Variants in COL4A1 observed in about 807,000 individuals in gnomAD.
COL4A1 encodes collagen alpha-1(IV) chain.
Under a neutral mutation model 216.6 loss-of-function variants are expected in COL4A1, and 40 were observed. The ratio of observed to expected loss-of-function variants is 0.18; its 90% confidence interval spans 0.14 to 0.24. The LOEUF (loss-of-function observed/expected upper bound fraction) is 0.24, where lower values mean the gene tolerates loss of function less well. COL4A1 is among the 10% of genes least tolerant of loss of function. The pLI, the probability that COL4A1 is intolerant of heterozygous loss-of-function variation, is 1.00. For synonymous variants in COL4A1, 839 were observed against 810.7 expected (o/e 1.03, Z -0.59); for missense variants, 1,628 against 2,196.8 (o/e 0.74, Z 5.18).
chr13:110,291,047 G>A (rs1429578293), intron 1 of COL4A1, among the ~76,000 whole-genome samples: 4 of 152,222 alleles, frequency 2.6e-5, no homozygotes, highest in African/African-American at 4.8e-5. Context: ...CCTGAATCAC[G>A]TGCACAGACG....
chr13:110,261,858 G>A (rs1882841559), intron 1 of COL4A1, among the ~76,000 whole-genome samples: 1 of 152,218 alleles, frequency 6.6e-6, no homozygotes, highest in Non-Finnish European at 1.5e-5. Context: ...TGCAAGGCCA[G>A]AGCAGAGCCG....
chr13:110,183,457 A>G (rs1878269199), intron 26 of COL4A1, among the ~76,000 whole-genome samples, 181 bp from the exon 27 acceptor site: 2 of 152,164 alleles, frequency 1.3e-5, no homozygotes, highest in African/African-American at 4.8e-5. Context: ...TCTTTCACAG[A>G]GAGCTACGCT....
intron 41 of COL4A1, among the ~76,000 whole-genome samples, chr13:110,172,241 T>C (rs1411010852): frequency 2.0e-5 from 3 of 152,216 alleles, no homozygotes; most frequent in African/African-American, 7.2e-5. Flanking sequence ...TCCCATGAAA[T>C]GCTCAGCTCT....
At chr13:110,158,066 C>T (rs1876872356) in intron 49 of COL4A1, among the ~76,000 whole-genome samples, 1 of 152,210 alleles carries the variant, frequency 6.6e-6, no homozygotes, top group South Asian at 2.1e-4. Flanking sequence ...TGTTACTTTT[C>T]CTTCTAGTTA....
chr13:110,180,367 T>C (rs1594554252), intron 29 of COL4A1, among the ~76,000 whole-genome samples: 1 of 152,338 alleles, frequency 6.6e-6, no homozygotes, highest in Non-Finnish European at 1.5e-5. Context: ...CAAAGGTTTC[T>C]CTTCTGCCTC....
At chr13:110,157,327 A>G (rs1876832262) in intron 49 of COL4A1, among the ~76,000 whole-genome samples, 2 of 152,202 alleles carry the variant, frequency 1.3e-5, no homozygotes, top group African/African-American at 2.4e-5. Flanking sequence ...GTGCCCTACT[A>G]TCGGATGAAA....
intron 20 of COL4A1, 56 bp from the exon 21 acceptor site, chr13:110,198,687 C>T: frequency 6.2e-7 from 1 of 1,604,170 alleles, no homozygotes; most frequent in Non-Finnish European, 8.5e-7. Flanking sequence ...GCAACTACAG[C>T]ATAAACTCAT....
chr13:110,172,209 A>C (rs1347696737), intron 41 of COL4A1, among the ~76,000 whole-genome samples: 2 of 151,998 alleles, frequency 1.3e-5, no homozygotes, highest in East Asian at 3.9e-4. Flanking sequence ...CATGCCTTGT[A>C]TTTTCTGTGT....
At chr13:110,284,307 G>A (rs1156832739) in intron 1 of COL4A1, among the ~76,000 whole-genome samples, 2 of 152,172 alleles carry the variant, frequency 1.3e-5, no homozygotes, top group African/African-American at 4.8e-5. Context: ...GAACCCACAA[G>A]CCACAAGCAT....
At chr13:110,205,088 T>A (rs1246584133) in intron 17 of COL4A1, among the ~76,000 whole-genome samples, 3 of 152,210 alleles carry the variant, frequency 2.0e-5, no homozygotes, top group Non-Finnish European at 4.4e-5. Flanking sequence ...CTTTCTGTAT[T>A]TTCTATTGCT....
chr13:110,174,642 G>A lies in COL4A1; in HGVS notation c.3306C>T (p.Pro1102=), dbSNP rs752732736. The change falls in exon 38 of 52, where the codon CCC becomes CCT. Residue 1102 remains proline (P), a synonymous_variant. Coordinates refer to ENST00000375820, the MANE Select transcript of COL4A1 (RefSeq NM_001845.6). The stretch of plus-strand genomic sequence containing the variant: ...ACCTACCTGGATAGCCAACACTCCC[G>A]GGAGACCCTTTAAGGCCTGGGGACC... The part of the protein sequence containing the change: ...MPGSPGLKGS[P]GSVGYPGSPG... 8.1e-5 allele frequency: 130 copies of A among 1,613,942 alleles called. No homozygotes were observed. The highest frequency in any genetic ancestry group is 2.3e-4 in the African/African-American group (17 of 74,870).
intron 1 of COL4A1, among the ~76,000 whole-genome samples, chr13:110,288,349 G>A (rs1883932705): frequency 6.6e-6 from 1 of 151,890 alleles, no homozygotes. Context: ...TTGAAACTCA[G>A]CTTTGATCTT....
chr13:110,210,272 G>A, intron 8 of COL4A1, 60 bp from the exon 9 acceptor site: 1 of 1,528,374 alleles, frequency 6.5e-7, no homozygotes, highest in Non-Finnish European at 9.0e-7. Flanking sequence ...TAAAGAAGCT[G>A]AAAACTCTTT....
At chr13:110,215,524 G>A (rs1880025631) in intron 2 of COL4A1, among the ~76,000 whole-genome samples, 2 of 146,488 alleles carry the variant, frequency 1.4e-5, no homozygotes, top group Non-Finnish European at 3.0e-5. Context: ...TCATGCCACT[G>A]CACTCTAGCC....
chr13:110,219,070 A>G (rs1372154747), intron 2 of COL4A1, among the ~76,000 whole-genome samples: 2 of 152,156 alleles, frequency 1.3e-5, no homozygotes, highest in Non-Finnish European at 2.9e-5. Context: ...AGGGGTGGGA[A>G]AGCTGCGGTG....
chr13:110,207,881 A>G lies in COL4A1; in HGVS notation c.694-392T>C, dbSNP rs1408929535. On this transcript the variant is annotated intron_variant, in intron 12 of 51. Coordinates refer to ENST00000375820, the MANE Select transcript of COL4A1 (RefSeq NM_001845.6). The surrounding 1 kb of genome is among the most constrained non-coding windows in gnomAD (Gnocchi z 4.4). ...AAGGCATTTTAGGTAATCCCAGAATAAGACAACCATCAAGAGTCTCCCTCC... is the reference window on the plus strand; with the variant it reads ...AAGGCATTTTAGGTAATCCCAGAATGAGACAACCATCAAGAGTCTCCCTCC... Among the ~76,000 whole-genome samples, 2 of 146,296 alleles carry G rather than the reference A, an allele frequency of 1.4e-5. No individual in the cohort carries two copies. The highest frequency in any genetic ancestry group is 5.0e-5 in the African/African-American group (2 of 39,618).
intron 2 of COL4A1, among the ~76,000 whole-genome samples, chr13:110,219,048 C>T (rs529264442): frequency 1.3e-4 from 20 of 152,124 alleles, no homozygotes; most frequent in African/African-American, 3.1e-4. Flanking sequence ...TCCTGAATGC[C>T]GCCGCTGGGA....
At chr13:110,253,228 T>G (rs1490282362) in intron 1 of COL4A1, among the ~76,000 whole-genome samples, 2 of 131,326 alleles carry the variant, frequency 1.5e-5, no homozygotes, top group Non-Finnish European at 3.2e-5. Context: ...GTATTATATA[T>G]ACATATAATT....
At chr13:110,239,174 T>C (rs764425458) in intron 2 of COL4A1, among the ~76,000 whole-genome samples, 1 of 152,170 alleles carries the variant, frequency 6.6e-6, no homozygotes, top group Non-Finnish European at 1.5e-5. Flanking sequence ...ATTTATTGAT[T>C]ACTTGAAAAC....
Sources: allele counts gnomAD v4.1 joint callset (sites outside exome capture counted in the v4.1 genomes callset), GRCh38; gene constraint gnomAD v4.1.1; non-coding constraint Gnocchi (gnomAD v3.1); transcripts MANE v1.5; gene names NCBI Gene and HGNC (gene_info 2026-07-23, HGNC 2026-07-21).